SEMA4B: variants seen among roughly 807,000 people sequenced by gnomAD.
SEMA4B encodes the protein semaphorin 4B.
SEMA4B carries 55 observed loss-of-function variants against 88.1 expected under a neutral mutation model. The observed-to-expected ratio is 0.62, with a 90% CI of 0.50 to 0.78. The LOEUF (loss-of-function observed/expected upper bound fraction) is 0.78. Among genes scored for constraint, SEMA4B ranks in the 30% least tolerant of loss-of-function variants. The probability of loss-of-function intolerance (pLI) is 0.00; values close to 1 mark genes in which losing one functional copy is unlikely to be tolerated. For synonymous variants in SEMA4B, 525 were observed against 473.6 expected (o/e 1.11, Z -1.41); for missense variants, 1,062 against 1,111.9 (o/e 0.96, Z 0.64).
chr15:90,211,687 A>G (rs1388355275), intron 1 of SEMA4B, among the ~76,000 whole-genome samples: 4 of 152,044 alleles, frequency 2.6e-5, no homozygotes, highest in Non-Finnish European at 5.9e-5. Flanking sequence ...GGTTCTGGTG[A>G]CTTATCGTGA....
intron 9 of SEMA4B, among the ~76,000 whole-genome samples, chr15:90,224,539 C>T (rs1201264274): frequency 3.3e-5 from 5 of 152,216 alleles, no homozygotes; most frequent in African/African-American, 1.2e-4. Flanking sequence ...CTGGGTCCTG[C>T]TGGAGCCCCT....
chr15:90,187,669 A>G (rs1960204767), intron 1 of SEMA4B, among the ~76,000 whole-genome samples: 1 of 152,194 alleles, frequency 6.6e-6, no homozygotes, highest in African/African-American at 2.4e-5. Flanking sequence ...GGCCGTGGCC[A>G]CTACCTTTGT....
chr15:90,218,019 A>G (rs1231637218), intron 3 of SEMA4B, 190 bp downstream of exon 3: 1 of 561,380 alleles, frequency 1.8e-6, no homozygotes, highest in Non-Finnish European at 3.2e-6. Flanking sequence ...TTCGACAAGT[A>G]GATTCACCTG....
intron 12 of SEMA4B, among the ~76,000 whole-genome samples, chr15:90,226,978 AAAAG>A (rs1457599139): frequency 1.3e-5 from 2 of 152,200 alleles, no homozygotes; most frequent in Non-Finnish European, 2.9e-5. Context: ...AAAAAAAAGA[AAAAG>A]AGAGATCTAT....
chr15:90,195,220 A>G (rs1960464153), intron 1 of SEMA4B, among the ~76,000 whole-genome samples: 1 of 152,006 alleles, frequency 6.6e-6, no homozygotes, highest in Non-Finnish European at 1.5e-5. Context: ...CAGCCTTTCA[A>G]GTAGCTGGGA....
Position 90,223,711 on chromosome 15 carries a change from C to A in SEMA4B, c.1014C>A (p.Thr338=). 3 of 1,610,836 alleles carry A rather than the reference C, an allele frequency of 1.9e-6. No homozygotes were observed. The highest frequency in any genetic ancestry group is 2.5e-6 in the Non-Finnish European group (3 of 1,177,826). The change falls in exon 8 of 14, where the codon ACC becomes ACA. Residue 338 remains threonine, a synonymous_variant. Transcript: ENST00000411539. The part of the protein sequence containing the change: ...LSPSPQDWRD[T]LFYGVFTSQW... Reference sequence around the variant, plus strand: ...CCAGCCCCCAGGACTGGCGTGACACCCTTTTCTATGGGGTCTTCACTTCCC... The same window carrying A: ...CCAGCCCCCAGGACTGGCGTGACACACTTTTCTATGGGGTCTTCACTTCCC...
chr15:90,219,891 C>A lies in SEMA4B; in HGVS notation c.483C>A (p.Ile161=), dbSNP rs375789164. The A allele has an allele frequency of 6.2e-7, 1 of 1,608,636 alleles. No homozygotes were observed. The highest frequency in any genetic ancestry group is 2.2e-5 in the East Asian group (1 of 44,862). ...TAAFSPMCTY[I]NMENFTLARD... is the part of the protein sequence containing the mutation. The stretch of plus-strand genomic sequence containing the variant: ...CCTTCAGCCCCATGTGTACCTACAT[C>A]GTGAGTGACCTGTCCTCAGCCCTGA... The change falls in exon 4 of 14, where the codon ATC becomes ATA. Residue 161 remains isoleucine, a splice_region_variant and synonymous_variant. Transcript: ENST00000411539.
intron 9 of SEMA4B, among the ~76,000 whole-genome samples, chr15:90,224,362 C>T (rs1208823889): frequency 1.3e-5 from 2 of 152,186 alleles, no homozygotes; most frequent in African/African-American, 2.4e-5. Context: ...TCTAGCCTAA[C>T]GGGCTACCCT....
Position 90,228,709 on chromosome 15 carries a change from G to A in SEMA4B, c.*66G>A. On this transcript the variant is annotated 3_prime_UTR_variant, in exon 14 of 14. Transcript: ENST00000411539. Reference sequence around the variant, plus strand: ...GTGAATGCTCGGAGAGGGTCAACTGGACCTCCCCTCCGCTCTGCTCTTCGT... The same window carrying A: ...GTGAATGCTCGGAGAGGGTCAACTGAACCTCCCCTCCGCTCTGCTCTTCGT... 1 of 1,592,740 alleles carries A rather than the reference G, an allele frequency of 6.3e-7. No homozygotes were observed. The highest frequency in any genetic ancestry group is 8.6e-7 in the Non-Finnish European group (1 of 1,167,766).
intron 1 of SEMA4B, among the ~76,000 whole-genome samples, chr15:90,215,612 GA>G (rs1190475348): frequency 1.3e-5 from 2 of 152,154 alleles, no homozygotes; most frequent in Non-Finnish European, 2.9e-5. Context: ...AGGAGTTCGA[GA>G]CCAGCCTGGC....
intron 1 of SEMA4B, among the ~76,000 whole-genome samples, chr15:90,202,203 C>G (rs1379225469): frequency 6.6e-6 from 1 of 152,278 alleles, no homozygotes; most frequent in Non-Finnish European, 1.5e-5. Flanking sequence ...CCGATCCTCC[C>G]TCTCCGCCCC....
intron 1 of SEMA4B, among the ~76,000 whole-genome samples, chr15:90,205,636 C>A (rs945400893): frequency 6.6e-6 from 1 of 152,224 alleles, no homozygotes; most frequent in African/African-American, 2.4e-5. Context: ...CTGGCACATG[C>A]TGCATCCGTA....
In SEMA4B at chr15:90,229,351, T is replaced by C. The variant is rs755656627; in HGVS notation, c.*708T>C. On this transcript the variant is annotated 3_prime_UTR_variant, in exon 14 of 14. Coordinates refer to ENST00000411539, the MANE Select transcript of SEMA4B (RefSeq NM_198925.4). Reference sequence around the variant, plus strand: ...GAGCTCAGGAGAGATTTCGTGACAATGTACGCCTTTCCCTCAGAATTCAGG... The same window carrying C: ...GAGCTCAGGAGAGATTTCGTGACAACGTACGCCTTTCCCTCAGAATTCAGG... The C allele has an allele frequency of 6.6e-6, 3 of 456,740 alleles. No homozygotes were observed. Among genetic ancestry groups the C allele is most frequent in the East Asian group, 1.4e-4 (2 of 14,402 alleles). 28.3% of individuals were successfully genotyped at this position (456,740 alleles called of 1,614,324 possible). A position where few individuals can be genotyped will look rare whatever the true frequency, so the allele number is the denominator to read the frequency against.
In SEMA4B at chr15:90,221,141, A is replaced by G. The variant is rs982993501; in HGVS notation, c.595+48A>G. 13 of 1,365,390 alleles carry G rather than the reference A, an allele frequency of 9.5e-6. No individual in the cohort carries two copies. In the African/African-American group the frequency reaches 1.7e-4, roughly 18 times the overall value. The allele number at this position is 1,365,390 out of a possible 1,614,324, so 84.6% of individuals were successfully genotyped here. On this transcript the variant is annotated intron_variant, in intron 5 of 13. Coordinates refer to ENST00000411539, the MANE Select transcript of SEMA4B (RefSeq NM_198925.4). ...CTTCATTGAGGTTCCATGTAGGGGC[A>G]CACAGGGCTAGAGGGCTAGCTTTGG...
In SEMA4B at chr15:90,223,562, G is replaced by A. The variant is rs763754448; in HGVS notation, c.865G>A (p.Asp289Asn). 3.8e-6 allele frequency: 6 copies of A among 1,585,944 alleles called. No homozygotes were observed. Among genetic ancestry groups the A allele is most frequent in the Non-Finnish European group, 5.2e-6 (6 of 1,163,440 alleles). Reference protein sequence around the residue: ...VSRIARICKGDEGGERVLQQR... With the variant: ...VSRIARICKGNEGGERVLQQR... ...GCCCATCCGACTCTCCCTCCAGGGC[G>A]ATGAGGGTGGAGAGCGGGTGCTACA... The change falls in exon 8 of 14, where the codon GAT becomes AAT. Residue 289 changes from aspartate (D) to asparagine (N), a missense_variant. By Grantham distance (23) the Asp-to-Asn change is conservative. Transcript: ENST00000411539.
At chr15:90,208,115 A>C (rs1424329597) in intron 1 of SEMA4B, among the ~76,000 whole-genome samples, 1 of 152,124 alleles carries the variant, frequency 6.6e-6, no homozygotes, top group East Asian at 1.9e-4. Flanking sequence ...TTAACTGGGC[A>C]TGGTGGCAGG....
intron 1 of SEMA4B, among the ~76,000 whole-genome samples, chr15:90,189,329 T>G (rs1960277978): frequency 6.6e-6 from 1 of 152,236 alleles, no homozygotes; most frequent in Non-Finnish European, 1.5e-5. Flanking sequence ...AGGTTGAATA[T>G]CCATATGGGT....
intron 1 of SEMA4B, among the ~76,000 whole-genome samples, chr15:90,195,492 A>G (rs1215214983): frequency 6.6e-6 from 1 of 152,120 alleles, no homozygotes; most frequent in African/African-American, 2.4e-5. Context: ...AGTCCAGGCT[A>G]GTTGTCTTGT....
Position 90,186,964 on chromosome 15 carries a change from AAAAAT to A in SEMA4B, c.-122+1892_-122+1896del, listed in dbSNP as rs369942221. Among the ~76,000 whole-genome samples, 678 of 152,280 alleles carry A rather than the reference AAAAAT, an allele frequency of 4.5e-3. 11 individuals are homozygous for A. Among genetic ancestry groups the A allele is most frequent in the African/African-American group, 0.016 (647 of 41,568 alleles). Reference sequence around the variant, plus strand: ...TAATAATAATAAAAAACAAAAAAATAAAAATAAAATAAATAAAGATTGGGGACATT... The same window carrying A: ...TAATAATAATAAAAAACAAAAAAATAAAAATAAATAAAGATTGGGGACATT... On this transcript the variant is annotated intron_variant, in intron 1 of 14. Coordinates refer to the SEMA4B transcript ENST00000332496.
Sources: gnomAD v4.1 joint callset for allele counts (sites outside exome capture counted in the v4.1 genomes callset) on GRCh38, gnomAD v4.1.1 for gene constraint, MANE v1.5 for transcripts, NCBI Gene and HGNC (gene_info 2026-07-23, HGNC 2026-07-21) for gene names.